Variants in PDZRN4 observed in about 807,000 individuals in gnomAD.
PDZRN4 encodes the protein PDZ domain containing ring finger 4, also known as PDZ domain-containing RING finger protein 4.
PDZRN4 carries 70 observed loss-of-function variants against 99.0 expected under a neutral mutation model. That is an observed-to-expected ratio of 0.71 (90% CI 0.58 to 0.86). The LOEUF (loss-of-function observed/expected upper bound fraction) is 0.86, where lower values mean the gene tolerates loss of function less well. Ranked by LOEUF, PDZRN4 falls within the 40% of genes least tolerant of loss-of-function variation. PDZRN4 has a pLI of 0.00. For missense variants in PDZRN4, 1,474 were observed against 1,331.2 expected, an observed-to-expected ratio of 1.11 and a Z score of -1.67; for synonymous variants, 551 against 501.6, an observed-to-expected ratio of 1.10 and a Z score of -1.32.
At chr12:41,306,844 C>A (rs748828813) in intron 3 of PDZRN4, among the ~76,000 whole-genome samples, 10 of 152,134 alleles carry the variant, frequency 6.6e-5, no homozygotes, top group Non-Finnish European at 1.3e-4. Context: ...ATGAGGATCA[C>A]CTTTTCTTCA....
chr12:41,455,205 A>G (rs1952808317), intron 3 of PDZRN4, among the ~76,000 whole-genome samples: 1 of 152,198 alleles, frequency 6.6e-6, no homozygotes, highest in East Asian at 1.9e-4. Context: ...TTTTTTAAGA[A>G]CTGAAATGAA....
chr12:41,452,765 G>C (rs149827339), intron 3 of PDZRN4, among the ~76,000 whole-genome samples: 224 of 152,264 alleles, frequency 1.5e-3, no homozygotes, highest in African/African-American at 5.0e-3. Flanking sequence ...AACTAATTGT[G>C]AACCTGAATA....
At chr12:41,393,000 C>T (rs1254313930) in intron 3 of PDZRN4, among the ~76,000 whole-genome samples, 5 of 152,090 alleles carry the variant, frequency 3.3e-5, no homozygotes, top group Non-Finnish European at 2.9e-5. Context: ...CTGTTGTGCC[C>T]CAGGCATTAT....
intron 3 of PDZRN4, among the ~76,000 whole-genome samples, chr12:41,488,593 A>G (rs1359845993): frequency 6.6e-6 from 1 of 152,076 alleles, no homozygotes; most frequent in African/African-American, 2.4e-5. Context: ...GTAGTCACTG[A>G]TAGACAATGA....
At chr12:41,261,624 G>A (rs1951240635) in intron 3 of PDZRN4, among the ~76,000 whole-genome samples, 1 of 152,056 alleles carries the variant, frequency 6.6e-6, no homozygotes, top group African/African-American at 2.4e-5. Context: ...CGAGTAGCTG[G>A]GACTACAGGC....
intron 3 of PDZRN4, among the ~76,000 whole-genome samples, chr12:41,340,513 G>A (rs1487427926): frequency 1.3e-5 from 2 of 151,904 alleles, no homozygotes; most frequent in African/African-American, 2.4e-5. Context: ...ATAAGATCTA[G>A]TATTTGATAG....
intron 3 of PDZRN4, chr12:41,413,138 G>A (rs1326300917): frequency 1.3e-5 from 2 of 151,552 alleles, no homozygotes; most frequent in Non-Finnish European, 2.9e-5. Context: ...AATGGTGAAT[G>A]GATAAGGAAA....
At chr12:41,401,061 T>G (rs958694416) in intron 3 of PDZRN4, among the ~76,000 whole-genome samples, 26 of 152,124 alleles carry the variant, frequency 1.7e-4, no homozygotes, top group African/African-American at 6.0e-4. Flanking sequence ...TTCAAAGAGG[T>G]GACTAATCAT....
chr12:41,381,803 C>T (rs1251203658), intron 3 of PDZRN4, among the ~76,000 whole-genome samples: 3 of 152,136 alleles, frequency 2.0e-5, no homozygotes, highest in African/African-American at 7.2e-5. Flanking sequence ...TTGATCCCTG[C>T]ATTGGTATGC....
intron 3 of PDZRN4, among the ~76,000 whole-genome samples, chr12:41,410,675 T>C (rs1253857067): frequency 4.6e-5 from 7 of 152,156 alleles, no homozygotes; most frequent in Non-Finnish European, 8.8e-5. Flanking sequence ...TAATTGGGAA[T>C]CCCACTCTGG....
intron 3 of PDZRN4, among the ~76,000 whole-genome samples, chr12:41,341,226 C>T (rs189789459): frequency 6.6e-5 from 10 of 151,466 alleles, no homozygotes; most frequent in African/African-American, 2.4e-4. Context: ...ACAATGAAGG[C>T]CATGTATGAC....
intron 3 of PDZRN4, among the ~76,000 whole-genome samples, chr12:41,280,689 C>T (rs963303871): frequency 6.6e-6 from 1 of 152,220 alleles, no homozygotes; most frequent in Non-Finnish European, 1.5e-5. Flanking sequence ...CAGGGCATCT[C>T]TGAAAGAAAG....
chr12:41,516,594 A>G (rs1345012564), intron 5 of PDZRN4, among the ~76,000 whole-genome samples: 1 of 152,052 alleles, frequency 6.6e-6, no homozygotes, highest in Non-Finnish European at 1.5e-5. Flanking sequence ...TATTGTTTCT[A>G]TTTTACCAAG....
At chr12:41,491,570 T>A (rs1166171686) in intron 3 of PDZRN4, among the ~76,000 whole-genome samples, 1 of 152,006 alleles carries the variant, frequency 6.6e-6, no homozygotes, top group Non-Finnish European at 1.5e-5. Flanking sequence ...GAATACTGGC[T>A]TTCCCTGTCA....
intron 3 of PDZRN4, among the ~76,000 whole-genome samples, chr12:41,408,637 G>A (rs527398200): frequency 1.3e-5 from 2 of 152,006 alleles, no homozygotes; most frequent in East Asian, 1.9e-4. Flanking sequence ...TTTGGAAATC[G>A]GAATTTTATA....
In PDZRN4 at chr12:41,353,178, C is replaced by T. The variant is rs989117120; in HGVS notation, c.844-153278C>T. Among the ~76,000 whole-genome samples the T allele has an allele frequency of 2.6e-5, 4 of 152,002 alleles. No individual in the cohort carries two copies. The South Asian group carries it at 8.3e-4, about 31-fold the overall frequency. On this transcript the variant is annotated intron_variant, in intron 3 of 9. Coordinates refer to ENST00000402685, the MANE Select transcript of PDZRN4 (RefSeq NM_001164595.2). ...ATTTTAATTATTTGTGAAGATGAGA[C>T]AGAATAGGATTTTTTTTCTTGCAAT...
At chr12:41,475,686 C>T (rs1015747126) in intron 3 of PDZRN4, among the ~76,000 whole-genome samples, 2 of 152,162 alleles carry the variant, frequency 1.3e-5, no homozygotes, top group African/African-American at 2.4e-5. Flanking sequence ...AATATTAGCG[C>T]TCAAATTTTG....
chr12:41,241,989 G>A (rs1187857172), intron 3 of PDZRN4, among the ~76,000 whole-genome samples: 1 of 152,200 alleles, frequency 6.6e-6, no homozygotes, highest in East Asian at 1.9e-4. Context: ...TTGGAAATTT[G>A]GTAGGGTCAC....
At chr12:41,408,391 TAC>T (rs1952364929) in intron 3 of PDZRN4, among the ~76,000 whole-genome samples, 1 of 152,344 alleles carries the variant, frequency 6.6e-6, no homozygotes, top group South Asian at 2.1e-4. Flanking sequence ...CTGGGTAAAG[TAC>T]ACATAGTGGA....
Sources: gnomAD v4.1 joint callset for allele counts (sites outside exome capture counted in the v4.1 genomes callset) on GRCh38, gnomAD v4.1.1 for gene constraint, MANE v1.5 for transcripts, NCBI Gene and HGNC (gene_info 2026-07-23, HGNC 2026-07-21) for gene names.